The following IGF2BP2 variants were observed in gnomAD, a reference collection of about 807,000 sequenced individuals.
IGF2BP2 encodes the protein insulin like growth factor 2 mRNA binding protein 2.
Under a neutral mutation model 75.8 loss-of-function variants are expected in IGF2BP2, and 17 were observed. The ratio of observed to expected loss-of-function variants is 0.22; its 90% CI spans 0.15 to 0.34. IGF2BP2 has a LOEUF of 0.34. Ranked by LOEUF, IGF2BP2 falls within the 10% of genes least tolerant of loss-of-function variation. The pLI, the probability that IGF2BP2 is intolerant of heterozygous loss-of-function variation, is 1.00. For synonymous variants in IGF2BP2, 288 were observed against 295.6 expected, an observed-to-expected ratio of 0.97 and a Z score of 0.26; for missense variants, 516 against 772.4, an observed-to-expected ratio of 0.67 and a Z score of 3.93.
In IGF2BP2 at chr3:185,645,380, C is replaced by T. The variant is rs1239177907; in HGVS notation, c.*151G>A. Reference sequence around the variant, plus strand: ...CCTCGGCCCCTGGGGTTCTCAGGGCCTCGGCAGAGTCCCTGGCCGCCTCCG... The same window carrying T: ...CCTCGGCCCCTGGGGTTCTCAGGGCTTCGGCAGAGTCCCTGGCCGCCTCCG... On this transcript the variant is annotated 3_prime_UTR_variant, in exon 16 of 16. Coordinates refer to ENST00000382199, the MANE Select transcript of IGF2BP2 (RefSeq NM_006548.6). This position sits in a 1 kb window ranked among gnomAD's most constrained non-coding sequence, Gnocchi z 4.9. 1 of 625,220 alleles carries T rather than the reference C, an allele frequency of 1.6e-6. No homozygotes were observed. Among genetic ancestry groups the T allele is most frequent in the Non-Finnish European group, 2.9e-6 (1 of 350,296 alleles). 38.7% of individuals were successfully genotyped at this position (625,220 alleles called of 1,614,324 possible). A position where few individuals can be genotyped will look rare whatever the true frequency, so the allele number is the denominator to read the frequency against.
At position 185,643,371 on chromosome 3, in the gene IGF2BP2, G is replaced by A. The variant is rs1712967183; in HGVS notation, c.*2160C>T. Among the ~76,000 whole-genome samples, 1 of 152,208 alleles carries A rather than the reference G, an allele frequency of 6.6e-6. No individual in the cohort carries two copies. The highest frequency in any genetic ancestry group is 1.5e-5 in the Non-Finnish European group (1 of 68,052). On this transcript the variant is annotated 3_prime_UTR_variant, in exon 16 of 16. Transcript: ENST00000382199. ...CTGGTCTTCTCTAGCTTGACATGCA[G>A]TCGATCCATCCCTCTAGCTCCGAGG... is the stretch of plus-strand genomic sequence containing the variant.
At chr3:185,745,397 A>G (rs1730123439) in intron 2 of IGF2BP2, among the ~76,000 whole-genome samples, 1 of 152,122 alleles carries the variant, frequency 6.6e-6, no homozygotes, top group African/African-American at 2.4e-5. Context: ...AAAAGTACAG[A>G]GTTGCAGGGT....
intron 2 of IGF2BP2, among the ~76,000 whole-genome samples, chr3:185,746,470 C>T (rs1234250197): frequency 1.3e-5 from 2 of 152,190 alleles, no homozygotes; most frequent in Non-Finnish European, 2.9e-5. Context: ...GATTATTTTC[C>T]TATGAGCAAA....
chr3:185,734,423 C>T (rs527336210), intron 2 of IGF2BP2, among the ~76,000 whole-genome samples: 37 of 152,312 alleles, frequency 2.4e-4, no homozygotes, highest in African/African-American at 7.9e-4. Flanking sequence ...TTCCTTACCT[C>T]CCTATTAAAG....
chr3:185,760,982 A>AAG (rs1732281109), intron 2 of IGF2BP2, among the ~76,000 whole-genome samples: 1 of 151,654 alleles, frequency 6.6e-6, no homozygotes, highest in Non-Finnish European at 1.5e-5. Flanking sequence ...CTTATACTTC[A>AAG]AATATTTTGT....
intron 12 of IGF2BP2, among the ~76,000 whole-genome samples, chr3:185,655,346 G>T (rs1003048267): frequency 6.6e-6 from 1 of 152,066 alleles, no homozygotes; most frequent in East Asian, 1.9e-4. Context: ...GCCCAGGCTG[G>T]TCTCCAACTC....
At position 185,647,168 on chromosome 3, in the gene IGF2BP2, A is replaced by G. The variant is rs1476614328; in HGVS notation, c.1594-30T>C. 2 of 1,517,158 alleles carry G rather than the reference A, an allele frequency of 1.3e-6. No individual in the cohort carries two copies. The highest frequency in any genetic ancestry group is 1.1e-5 in the South Asian group (1 of 89,140). 94.0% of individuals were successfully genotyped at this position (1,517,158 alleles called of 1,614,324 possible). On this transcript the variant is annotated intron_variant, in intron 14 of 15. Transcript: ENST00000382199. The surrounding 1 kb of genome is among the most constrained non-coding windows in gnomAD (Gnocchi z 4.9). ...GAAGGGAGAAACGGCAACGGGTTGGATAGGTTCCCTCCCCGTCAACGTGGT... is the reference window on the plus strand; with the variant it reads ...GAAGGGAGAAACGGCAACGGGTTGGGTAGGTTCCCTCCCCGTCAACGTGGT...
intron 1 of IGF2BP2, among the ~76,000 whole-genome samples, chr3:185,823,936 T>C (rs562866265): frequency 6.6e-6 from 1 of 151,984 alleles, no homozygotes; most frequent in South Asian, 2.1e-4. Context: ...CGGTCGCCTC[T>C]TTCCCGGTTC....
In IGF2BP2 at chr3:185,773,063, A is replaced by G. The variant is rs1434785586; in HGVS notation, c.239+50090T>C. Among the ~76,000 whole-genome samples, 6 of 152,298 alleles carry G rather than the reference A, an allele frequency of 3.9e-5. No homozygotes were observed. In the East Asian group the frequency reaches 7.7e-4, roughly 20 times the overall value. On this transcript the variant is annotated intron_variant, in intron 2 of 15. Transcript: ENST00000382199. ...GATAACTAACCCCATCAGGGTACCAATTAGGTTCCCAAGAGCAGCAAAGCA... is the reference window on the plus strand; with the variant it reads ...GATAACTAACCCCATCAGGGTACCAGTTAGGTTCCCAAGAGCAGCAAAGCA...
chr3:185,734,062 C>T (rs1728540990), intron 2 of IGF2BP2, among the ~76,000 whole-genome samples: 1 of 152,092 alleles, frequency 6.6e-6, no homozygotes, highest in African/African-American at 2.4e-5. Flanking sequence ...ACCCTTAACC[C>T]CCTTACTTCG....
rs571589876 is a variant in IGF2BP2, at chr3:185,787,288, G to A, written c.239+35865C>T. The stretch of plus-strand genomic sequence containing the variant: ...ACTTAAAAATGGTTAGGGTGGTAAA[G>A]GCGATGTTATATGTATTTTACCACA... On this transcript the variant is annotated intron_variant, in intron 2 of 15. Coordinates refer to ENST00000382199, the MANE Select transcript of IGF2BP2 (RefSeq NM_006548.6). Among the ~76,000 whole-genome samples, 3 of 152,104 alleles carry A rather than the reference G, an allele frequency of 2.0e-5. No homozygotes were observed. In the East Asian group the frequency reaches 5.8e-4, roughly 29 times the overall value.
In IGF2BP2 at chr3:185,798,280, G is replaced by A. The variant is rs552089228; in HGVS notation, c.239+24873C>T. 4.3e-4 allele frequency among the ~76,000 whole-genome samples: 66 copies of A among 152,100 alleles called. 1 individual carries two copies. In the South Asian group the frequency reaches 8.3e-3, roughly 19 times the overall value. On this transcript the variant is annotated intron_variant, in intron 2 of 15. Transcript: ENST00000382199. Reference sequence around the variant, plus strand: ...TAATGACAGACAGTGACTGGGCCCCGGTGTTTTATTCACCTCCAGGTTTAC... The same window carrying A: ...TAATGACAGACAGTGACTGGGCCCCAGTGTTTTATTCACCTCCAGGTTTAC...
In IGF2BP2 at chr3:185,677,044, GAT is replaced by G. The variant is rs1164588813; in HGVS notation, c.813-1133_813-1132del. ...GGAGAGAGATATATATATATATGGA[GAT>G]ATATATATATATATATATATATAGA... On this transcript the variant is annotated intron_variant, in intron 7 of 15. Transcript: ENST00000382199. 3.1e-3 allele frequency among the ~76,000 whole-genome samples: 73 copies of G among 23,864 alleles called. 1 individual carries two copies. Among genetic ancestry groups the G allele is most frequent in the South Asian group, 0.016 (7 of 450 alleles). The allele number at this position is 23,864 out of a possible 152,430, so 15.7% of individuals were successfully genotyped here. A position where few individuals can be genotyped will look rare whatever the true frequency, so the allele number is the denominator to read the frequency against.
chr3:185,673,226 C>T (rs964212540), intron 9 of IGF2BP2, among the ~76,000 whole-genome samples: 2 of 152,242 alleles, frequency 1.3e-5, no homozygotes, highest in Non-Finnish European at 2.9e-5. Flanking sequence ...TTAGTTACCT[C>T]TTCCCCTTTC....
At chr3:185,670,908 C>T (rs1049352243) in intron 10 of IGF2BP2, among the ~76,000 whole-genome samples, 2 of 152,282 alleles carry the variant, frequency 1.3e-5, no homozygotes, top group East Asian at 3.9e-4. Flanking sequence ...TTTATTATGC[C>T]CTTTTTCTCT....
At chr3:185,715,634 T>C (rs182720421) in intron 2 of IGF2BP2, among the ~76,000 whole-genome samples, 1 of 151,718 alleles carries the variant, frequency 6.6e-6, no homozygotes, top group East Asian at 1.9e-4. Flanking sequence ...GTCATTTCTT[T>C]TTTTCTTTCT....
chr3:185,670,002 C>A (rs1223867125), intron 10 of IGF2BP2, among the ~76,000 whole-genome samples: 4 of 152,216 alleles, frequency 2.6e-5, no homozygotes, highest in Non-Finnish European at 5.9e-5. Context: ...TGCACTTCTG[C>A]AGCTGCATGA....
At chr3:185,653,102 T>C (rs1375776193) in intron 12 of IGF2BP2, among the ~76,000 whole-genome samples, 1 of 151,882 alleles carries the variant, frequency 6.6e-6, no homozygotes, top group African/African-American at 2.4e-5. Flanking sequence ...GTGCTGGGAT[T>C]ACAGGTGTGA....
intron 2 of IGF2BP2, among the ~76,000 whole-genome samples, chr3:185,702,734 G>A (rs1723485869): frequency 6.6e-6 from 1 of 152,014 alleles, no homozygotes; most frequent in Non-Finnish European, 1.5e-5. Flanking sequence ...ACTCCCTGCT[G>A]CTGCCTCCTC....
Sources: gnomAD v4.1 joint callset for allele counts (sites outside exome capture counted in the v4.1 genomes callset) on GRCh38, gnomAD v4.1.1 for gene constraint, Gnocchi (gnomAD v3.1) non-coding constraint, MANE v1.5 for transcripts, NCBI Gene and HGNC (gene_info 2026-07-23, HGNC 2026-07-21) for gene names.